The following KIAA1217 variants were observed in gnomAD, a reference collection of about 807,000 sequenced individuals.
KIAA1217 encodes the protein sickle tail protein homolog.
Under a neutral mutation model 163.9 loss-of-function variants are expected in KIAA1217, and 88 were observed. The ratio of observed to expected loss-of-function variants is 0.54; its 90% CI spans 0.45 to 0.64. KIAA1217 has a LOEUF of 0.64. KIAA1217 is among the 30% of genes least tolerant of loss of function. KIAA1217 has a pLI of 0.00. For synonymous variants in KIAA1217, 903 were observed against 923.1 expected (o/e 0.98, Z 0.39); for missense variants, 2,372 against 2,475.0 (o/e 0.96, Z 0.88).
At chr10:24,218,924 G>A (rs2069206668) in intron 1 of KIAA1217, among the ~76,000 whole-genome samples, 1 of 152,150 alleles carries the variant, frequency 6.6e-6, no homozygotes, top group South Asian at 2.1e-4. Context: ...TCTTGGTGAT[G>A]AAGCAAATGT....
intron 20 of KIAA1217, chr10:24,545,545 C>A: frequency 7.5e-7 from 1 of 1,334,822 alleles, no homozygotes; most frequent in Non-Finnish European, 9.5e-7. Flanking sequence ...TATCCAGACG[C>A]ATGGCCCACC....
At chr10:23,751,146 G>A (rs919430843) in intron 1 of KIAA1217, among the ~76,000 whole-genome samples, 1 of 151,994 alleles carries the variant, frequency 6.6e-6, no homozygotes, top group Non-Finnish European at 1.5e-5. Flanking sequence ...TTGTGCCTCA[G>A]CCTCCCGAGT....
At chr10:24,076,884 T>A (rs1348991204) in intron 2 of KIAA1217, among the ~76,000 whole-genome samples, 4 of 151,536 alleles carry the variant, frequency 2.6e-5, no homozygotes, top group Admixed American at 1.3e-4. Flanking sequence ...CATCTTTTTT[T>A]TTTTTTTTTT....
intron 1 of KIAA1217, among the ~76,000 whole-genome samples, chr10:23,836,832 A>G (rs184382821): frequency 2.9e-4 from 43 of 149,120 alleles, no homozygotes; most frequent in African/African-American, 1.0e-3. Context: ...CAGGAGTCTG[A>G]GGTGAGGAGG....
At chr10:23,770,206 C>T (rs533221460) in intron 1 of KIAA1217, among the ~76,000 whole-genome samples, 1 of 152,260 alleles carries the variant, frequency 6.6e-6, no homozygotes, top group African/African-American at 2.4e-5. Flanking sequence ...GTTTGGGGAA[C>T]ACATGGCCAT....
rs535789505 is a variant in KIAA1217 at position 23,873,407 on chromosome 10, G to T, written c.-320-133818G>T. On this transcript the variant is annotated intron_variant, in intron 1 of 18. Coordinates refer to the KIAA1217 transcript ENST00000376462. Reference sequence around the variant, plus strand: ...TTTATCTTAAAAATGAATTTATGTGGACTACCTCTTCCATGAAAATGCCAG... The same window carrying T: ...TTTATCTTAAAAATGAATTTATGTGTACTACCTCTTCCATGAAAATGCCAG... 2.0e-4 allele frequency among the ~76,000 whole-genome samples: 30 copies of T among 152,042 alleles called. No homozygotes were observed. The East Asian group carries it at 5.6e-3, about 29-fold the overall frequency.
chr10:24,532,216 T>C (rs1187493868), intron 15 of KIAA1217, among the ~76,000 whole-genome samples: 2 of 152,142 alleles, frequency 1.3e-5, no homozygotes, highest in Non-Finnish European at 2.9e-5. Context: ...TGCAACAATA[T>C]GAAATGCAAA....
At chr10:23,970,255 G>C (rs1845259458) in intron 1 of KIAA1217, among the ~76,000 whole-genome samples, 1 of 152,182 alleles carries the variant, frequency 6.6e-6, no homozygotes, top group Admixed American at 6.5e-5. Flanking sequence ...GGGATTTATA[G>C]TTTTAGCTCT....
chr10:23,882,638 A>G (rs1159630755), intron 1 of KIAA1217, among the ~76,000 whole-genome samples: 3 of 151,960 alleles, frequency 2.0e-5, no homozygotes, highest in Non-Finnish European at 4.4e-5. Flanking sequence ...TTAAAAAGAA[A>G]GAAAACCTGA....
At position 23,966,512 on chromosome 10, in the gene KIAA1217, G is replaced by A. The variant is rs572760786; in HGVS notation, c.-320-40713G>A. ...GCCATCAGACTACCTGCTGTCTACC[G>A]TCAGCTGACAGCAGGTGCTCTTCCC... On this transcript the variant is annotated intron_variant, in intron 1 of 18. Coordinates refer to the KIAA1217 transcript ENST00000376462. Among the ~76,000 whole-genome samples the A allele has an allele frequency of 8.5e-5, 13 of 152,218 alleles. No homozygotes were observed. In the East Asian group the frequency reaches 1.4e-3, roughly 16 times the overall value.
intron 1 of KIAA1217, among the ~76,000 whole-genome samples, chr10:23,811,426 G>A (rs1837047360): frequency 6.6e-6 from 1 of 151,082 alleles, no homozygotes; most frequent in African/African-American, 2.4e-5. Flanking sequence ...CTCAGTTTTG[G>A]CCAAAATGCT....
chr10:24,274,950 T>A (rs1417237374), intron 2 of KIAA1217, among the ~76,000 whole-genome samples: 2 of 152,074 alleles, frequency 1.3e-5, no homozygotes, highest in African/African-American at 2.4e-5. Flanking sequence ...AAAGAAAAAA[T>A]TTGTAGATGC....
chr10:23,748,624 T>C (rs1217737693), intron 1 of KIAA1217, among the ~76,000 whole-genome samples: 1 of 150,156 alleles, frequency 6.7e-6, no homozygotes, highest in Non-Finnish European at 1.5e-5. Flanking sequence ...GGAAGGAAGA[T>C]GGGAGGATGG....
At chr10:24,305,230 G>C (rs1480937711) in intron 2 of KIAA1217, among the ~76,000 whole-genome samples, 1 of 152,178 alleles carries the variant, frequency 6.6e-6, no homozygotes, top group African/African-American at 2.4e-5. Context: ...ACTGCTCACT[G>C]CACAACAGCC....
chr10:23,878,327 T>C (rs528638237), intron 1 of KIAA1217, among the ~76,000 whole-genome samples: 2 of 152,054 alleles, frequency 1.3e-5, no homozygotes, highest in East Asian at 3.9e-4. Context: ...GTAGTTTGGG[T>C]TAGCTGTTCT....
In KIAA1217 at chr10:24,226,212, C is replaced by T. The variant is rs150488433; in HGVS notation, c.354+6303C>T. Among the ~76,000 whole-genome samples, 768 of 152,010 alleles carry T rather than the reference C, an allele frequency of 5.1e-3. 9 individuals are homozygous for T. Among genetic ancestry groups the T allele is most frequent in the African/African-American group, 0.017 (725 of 41,450 alleles). On this transcript the variant is annotated intron_variant, in intron 2 of 20. Coordinates refer to ENST00000376454, the MANE Select transcript of KIAA1217 (RefSeq NM_019590.5). Reference sequence around the variant, plus strand: ...TTTTCATTCATTATGGGCCTATGGACCTTGGTTTTCTTAAAGGTTTTCTTC... The same window carrying T: ...TTTTCATTCATTATGGGCCTATGGATCTTGGTTTTCTTAAAGGTTTTCTTC...
intron 3 of KIAA1217, among the ~76,000 whole-genome samples, chr10:24,393,279 T>A (rs2055230762): frequency 6.6e-6 from 1 of 152,094 alleles, no homozygotes; most frequent in African/African-American, 2.4e-5. Context: ...GGAGGGTAGA[T>A]TATGTCTTCT....
At chr10:24,226,709 C>A (rs1206784424) in intron 2 of KIAA1217, among the ~76,000 whole-genome samples, 1 of 151,868 alleles carries the variant, frequency 6.6e-6, no homozygotes, top group Non-Finnish European at 1.5e-5. Flanking sequence ...TATTAAATAA[C>A]CAATAACCAT....
At chr10:24,038,594 C>T (rs1367768790) in intron 2 of KIAA1217, among the ~76,000 whole-genome samples, 1 of 152,150 alleles carries the variant, frequency 6.6e-6, no homozygotes, top group Non-Finnish European at 1.5e-5. Flanking sequence ...AGTGACCTAT[C>T]CCCCTAAGGT....
Sources: allele counts gnomAD v4.1 joint callset (sites outside exome capture counted in the v4.1 genomes callset), GRCh38; gene constraint gnomAD v4.1.1; transcripts MANE v1.5; gene names NCBI Gene and HGNC (gene_info 2026-07-23, HGNC 2026-07-21).